The following SLC41A3 variants were observed in gnomAD, a reference collection of about 807,000 sequenced individuals.
SLC41A3 encodes the protein solute carrier family 41 member 3.
Under a neutral mutation model 45.4 loss-of-function variants are expected in SLC41A3, and 44 were observed. That is an observed-to-expected ratio of 0.97 (90% CI 0.76 to 1.25). The LOEUF is 1.25. Among genes scored for constraint, SLC41A3 ranks in the 50% most tolerant of loss-of-function variants. SLC41A3 has a pLI of 0.00. For missense variants in SLC41A3, 550 were observed against 600.6 expected (o/e 0.92, Z 0.88); for synonymous variants, 256 against 252.4 (o/e 1.01, Z -0.13).
chr3:126,063,954 C>CCCG (rs1944213714), intron 2 of SLC41A3, among the ~76,000 whole-genome samples: 1 of 140,554 alleles, frequency 7.1e-6, no homozygotes, highest in Non-Finnish European at 1.6e-5. Flanking sequence ...ATCCAACCCC[C>CCCG]CCCCGGGGAC....
intron 3 of SLC41A3, among the ~76,000 whole-genome samples, chr3:126,040,489 G>A (rs1026347149): frequency 2.6e-5 from 4 of 152,156 alleles, no homozygotes; most frequent in Non-Finnish European, 5.9e-5. Flanking sequence ...GGGATAATGC[G>A]AGCAGAAGGG....
chr3:126,087,258 C>G (rs1161316252), upstream of SLC41A3, among the ~76,000 whole-genome samples: 2 of 152,044 alleles, frequency 1.3e-5, no homozygotes, highest in Non-Finnish European at 2.9e-5. Context: ...ATCATAAGTT[C>G]ATTATTGAAG....
rs977904881 is a variant in SLC41A3, at chr3:126,012,703, G to A, written c.1017C>T (p.Thr339=). 2 of 1,614,116 alleles carry A rather than the reference G, an allele frequency of 1.2e-6. No individual in the cohort carries two copies. Among genetic ancestry groups the A allele is most frequent in the Admixed American group, 3.3e-5 (2 of 60,010 alleles). Residue 339 remains threonine (T), a synonymous_variant, in exon 9 of 11, where the codon ACC becomes ACT. Transcript: ENST00000360370. The stretch of plus-strand genomic sequence containing the variant: ...CAGGTGCACTCCACATGTGCAGGTA[G>A]GTTGAGATTCGGCTGGTCTGAATGG... The part of the protein sequence containing the change: ...LVAIQTSRIS[T]YLHMWSAPGV...
chr3:126,075,002 G>A (rs529264843), intron 1 of SLC41A3, among the ~76,000 whole-genome samples: 1 of 150,572 alleles, frequency 6.6e-6, no homozygotes, highest in South Asian at 2.1e-4. Context: ...TGTAGACAGG[G>A]TCTTGCTATG....
At chr3:126,036,267 C>G (rs1214921794) in intron 3 of SLC41A3, among the ~76,000 whole-genome samples, 2 of 152,248 alleles carry the variant, frequency 1.3e-5, no homozygotes, top group African/African-American at 2.4e-5. Flanking sequence ...CTTGCACCAG[C>G]TCTGGGCCTG....
At chr3:126,030,084 A>G (rs1941681699) in intron 4 of SLC41A3, among the ~76,000 whole-genome samples, 1 of 146,832 alleles carries the variant, frequency 6.8e-6, no homozygotes, top group Non-Finnish European at 1.5e-5. Context: ...AATAAAATAA[A>G]TATAATACAT....
intron 1 of SLC41A3, among the ~76,000 whole-genome samples, chr3:126,096,302 T>G (rs1034425688): frequency 6.6e-6 from 1 of 152,194 alleles, no homozygotes; most frequent in African/African-American, 2.4e-5. Flanking sequence ...CTGACTCCTA[T>G]GAGAAGTAGC....
chr3:126,093,320 G>T (rs567404394), intron 1 of SLC41A3, among the ~76,000 whole-genome samples: 1 of 152,342 alleles, frequency 6.6e-6, no homozygotes, highest in South Asian at 2.1e-4. Context: ...GGGCTAATCA[G>T]TGTAACTCTA....
intron 3 of SLC41A3, among the ~76,000 whole-genome samples, chr3:126,049,523 T>TGA (rs1943187904): frequency 2.0e-5 from 3 of 152,146 alleles, no homozygotes; most frequent in Non-Finnish European, 1.5e-5. Flanking sequence ...AACAAACACC[T>TGA]GAAATGCCTC....
intron 1 of SLC41A3, among the ~76,000 whole-genome samples, chr3:126,092,067 G>C (rs1945497894): frequency 1.3e-5 from 2 of 152,330 alleles, no homozygotes; most frequent in African/African-American, 4.8e-5. Flanking sequence ...GTTACCCTGA[G>C]TTACTGGCAG....
At position 126,026,390 on chromosome 3, in the gene SLC41A3, C is replaced by T. The variant is rs751025354; in HGVS notation, c.543G>A (p.Val181=). ...GGACACTGCTGGCACACAGCAACTC[C>T]ACCTTGGCGACATCCACTTCCTCTC... The part of the protein sequence containing the change: ...VSREEVDVAK[V]ELLCASSVLT... The change falls in exon 5 of 11, where the codon GTG becomes GTA. Residue 181 remains valine (V), a synonymous_variant. Transcript: ENST00000360370. This position sits in a 1 kb window ranked among gnomAD's most constrained non-coding sequence, Gnocchi z 4.2. 1.3e-6 allele frequency: 2 copies of T among 1,584,580 alleles called. No homozygotes were observed. The highest frequency in any genetic ancestry group is 1.7e-6 in the Non-Finnish European group (2 of 1,164,488).
At chr3:126,072,637 T>C (rs1944680300) in intron 1 of SLC41A3, among the ~76,000 whole-genome samples, 1 of 152,218 alleles carries the variant, frequency 6.6e-6, no homozygotes, top group Non-Finnish European at 1.5e-5. Flanking sequence ...GGTGAGGTTG[T>C]AGACAAAAGG....
chr3:126,042,667 A>G (rs1576290894), intron 3 of SLC41A3, among the ~76,000 whole-genome samples: 1 of 152,204 alleles, frequency 6.6e-6, no homozygotes, highest in Non-Finnish European at 1.5e-5. Context: ...TAAAAAACAG[A>G]TATGAACAAG....
intron 4 of SLC41A3, among the ~76,000 whole-genome samples, chr3:126,030,925 T>C (rs1206601577): frequency 6.6e-6 from 1 of 152,254 alleles, no homozygotes; most frequent in Non-Finnish European, 1.5e-5. Context: ...TTTATCTATA[T>C]ACCTTCTGAT....
chr3:126,007,134 G>A lies in SLC41A3; in HGVS notation c.1346C>T (p.Thr449Ile), dbSNP rs1939186280. 1 of 1,614,218 alleles carries A rather than the reference G, an allele frequency of 6.2e-7. No individual in the cohort carries two copies. The highest frequency in any genetic ancestry group is 8.5e-7 in the Non-Finnish European group (1 of 1,180,038). Residue 449 changes from threonine (T) to isoleucine (I), a missense_variant, in exon 11 of 11, where the codon ACA becomes ATA. Physicochemically the swap from Thr to Ile is moderately conservative, Grantham distance 89. Coordinates refer to ENST00000360370, the MANE Select transcript of SLC41A3 (RefSeq NM_017836.4). ...AGTACCGAGCAGGTCCCCCAGCCCT[G>A]TAAGGTAGGGGATGCAGTGGTTGTC... is the stretch of plus-strand genomic sequence containing the variant. ...DPDNHCIPYL[T>I]GLGDLLGTGL...
At position 126,094,468 on chromosome 3, in the gene SLC41A3, G is replaced by A. The variant is rs184417355; in HGVS notation, c.-79+6961C>T. 7.8e-4 allele frequency among the ~76,000 whole-genome samples: 118 copies of A among 152,018 alleles called. 1 individual carries two copies. The East Asian group carries it at 0.014, about 17-fold the overall frequency. On this transcript the variant is annotated intron_variant, in intron 1 of 9. Coordinates refer to the SLC41A3 transcript ENST00000508835. ...TTCGCCTTGGAATTCTCCAGTTTTC[G>A]TAATTAAGAAAAAAATCAGGTAAAT...
At chr3:126,059,313 A>AAGAAAGAAAGAAAGAAAGAAAGGAAGGAT (rs1576331901) in intron 2 of SLC41A3, among the ~76,000 whole-genome samples, 4 of 135,568 alleles carry the variant, frequency 3.0e-5, no homozygotes, top group Non-Finnish European at 4.8e-5. Flanking sequence ...AAAGAAAGGA[A>AAGAAAGAAAGAAAGAAAGAAAGGAAGGAT]GGATGATCTG....
intron 4 of SLC41A3, among the ~76,000 whole-genome samples, chr3:126,032,754 G>A (rs1156439879): frequency 6.6e-6 from 1 of 152,168 alleles, no homozygotes; most frequent in Non-Finnish European, 1.5e-5. Context: ...GAACCCAGGT[G>A]CGGGATAAAG....
At chr3:126,042,216 G>A (rs1261810053) in intron 3 of SLC41A3, among the ~76,000 whole-genome samples, 1 of 152,166 alleles carries the variant, frequency 6.6e-6, no homozygotes, top group African/African-American at 2.4e-5. Flanking sequence ...CTGGGGGAAA[G>A]AGATTATGGA....
Sources: gnomAD v4.1 joint callset for allele counts (sites outside exome capture counted in the v4.1 genomes callset) on GRCh38, gnomAD v4.1.1 for gene constraint, Gnocchi (gnomAD v3.1) non-coding constraint, MANE v1.5 for transcripts, NCBI Gene and HGNC (gene_info 2026-07-23, HGNC 2026-07-21) for gene names.